Variants in CFDP1 observed in about 807,000 individuals in gnomAD.
The protein encoded by CFDP1 is chromatin remodeling protein CFDP1, also known as heterochromatin-stabilizing protein CFDP1.
CFDP1 carries 31 observed loss-of-function variants against 40.1 expected under a neutral mutation model. That is an observed-to-expected ratio of 0.77 (90% CI 0.58 to 1.04). The LOEUF (loss-of-function observed/expected upper bound fraction) is 1.04. CFDP1 is among the 50% of genes least tolerant of loss of function. CFDP1 has a pLI of 0.00. For synonymous variants in CFDP1, 167 were observed against 120.0 expected (o/e 1.39, Z -2.56); for missense variants, 423 against 343.4 (o/e 1.23, Z -1.83).
At chr16:75,387,939 A>G (rs1042244628) in intron 5 of CFDP1, among the ~76,000 whole-genome samples, 1 of 152,246 alleles carries the variant, frequency 6.6e-6, no homozygotes, top group African/African-American at 2.4e-5. Flanking sequence ...CAGCCCTCTC[A>G]CTTTCTTCAA....
Position 75,301,582 on chromosome 16 carries a change from T to C in CFDP1, c.809+3442A>G, listed in dbSNP as rs2078222529. Among the ~76,000 whole-genome samples the C allele has an allele frequency of 2.1e-5, 3 of 143,968 alleles. No homozygotes were observed. The Admixed American group carries it at 2.1e-4, about 10-fold the overall frequency. The allele number at this position is 143,968 out of a possible 152,430, so 94.4% of individuals were successfully genotyped here. A position where few individuals can be genotyped will look rare whatever the true frequency, so the allele number is the denominator to read the frequency against. ...TTTTTTTTGGTAAAGAGACCGGGTC[T>C]TTCTCTGTTGTCCAGGCTGGAGTGC... On this transcript the variant is annotated intron_variant, in intron 6 of 6. Coordinates refer to ENST00000283882, the MANE Select transcript of CFDP1 (RefSeq NM_006324.3).
At chr16:75,392,841 T>C (rs966907568) in intron 5 of CFDP1, among the ~76,000 whole-genome samples, 30 of 152,376 alleles carry the variant, frequency 2.0e-4, no homozygotes, top group African/African-American at 7.0e-4. Flanking sequence ...AATTTTGTTC[T>C]ACAGCTGCCT....
chr16:75,331,675 C>T lies in CFDP1; in HGVS notation c.651-26493G>A, dbSNP rs370326375. Among the ~76,000 whole-genome samples the T allele has an allele frequency of 1.3e-4, 19 of 151,978 alleles. 3 individuals carry two copies. Among genetic ancestry groups the T allele is most frequent in the Admixed American group, 5.9e-4 (9 of 15,254 alleles). On this transcript the variant is annotated intron_variant, in intron 5 of 6. Coordinates refer to ENST00000283882, the MANE Select transcript of CFDP1 (RefSeq NM_006324.3). Reference sequence around the variant, plus strand: ...TGTGTCTGGTTTCTTTCATGCAGCACAATGTTTTTGAGTTCATCCATGTTG... The same window carrying T: ...TGTGTCTGGTTTCTTTCATGCAGCATAATGTTTTTGAGTTCATCCATGTTG...
intron 3 of CFDP1, 149 bp from the exon 4 acceptor site, chr16:75,412,101 C>T (rs147510872): frequency 6.3e-6 from 5 of 791,396 alleles, no homozygotes; most frequent in South Asian, 6.1e-5. Context: ...CTGCAACCTC[C>T]CCACCTCCCA....
At chr16:75,414,375 C>T (rs8056236) in intron 2 of CFDP1, among the ~76,000 whole-genome samples, 78,830 of 151,976 alleles carry the variant, frequency 0.52, 21,503 homozygotes, top group Admixed American at 0.64. Flanking sequence ...TACCTATTAA[C>T]ATTTTCTTTA....
Position 75,433,478 on chromosome 16 carries a change from C to G in CFDP1, c.-126G>C. On this transcript the variant is annotated 5_prime_UTR_variant, in exon 1 of 7. Coordinates refer to ENST00000283882, the MANE Select transcript of CFDP1 (RefSeq NM_006324.3). ...GCAGCTAGGGCGGCCCCCGACAGCG[C>G]TTTGCACATGCGCAGAGAGTACTAC... The G allele has an allele frequency of 1.2e-6, 1 of 824,640 alleles. No individual in the cohort carries two copies. Among genetic ancestry groups the G allele is most frequent in the East Asian group, 2.7e-5 (1 of 37,492 alleles). 51.1% of individuals were successfully genotyped at this position (824,640 alleles called of 1,614,324 possible). A position where few individuals can be genotyped will look rare whatever the true frequency, so the allele number is the denominator to read the frequency against.
chr16:75,323,624 T>A (rs1469487862), intron 5 of CFDP1, among the ~76,000 whole-genome samples: 2 of 151,676 alleles, frequency 1.3e-5, no homozygotes, highest in Non-Finnish European at 2.9e-5. Context: ...CTACTGAAAA[T>A]ACAAATTTGC....
chr16:75,334,401 C>G (rs138580914), intron 5 of CFDP1, among the ~76,000 whole-genome samples: 3 of 150,682 alleles, frequency 2.0e-5, no homozygotes, highest in Non-Finnish European at 4.4e-5. Flanking sequence ...CCGGCCAGCC[C>G]GAAGTGCTCT....
intron 5 of CFDP1, among the ~76,000 whole-genome samples, chr16:75,327,717 C>G (rs1452325103): frequency 6.6e-6 from 1 of 151,974 alleles, no homozygotes; most frequent in Non-Finnish European, 1.5e-5. Context: ...CAGGTCAACG[C>G]CAAATTATTA....
rs556650849 is a variant in CFDP1 at position 75,409,983 on chromosome 16, A to G, written c.530+1842T>C. 2.2e-5 allele frequency among the ~76,000 whole-genome samples: 3 copies of G among 139,458 alleles called. No individual in the cohort carries two copies. The East Asian group carries it at 7.2e-4, about 34-fold the overall frequency. 91.5% of individuals were successfully genotyped at this position (139,458 alleles called of 152,430 possible). A position where few individuals can be genotyped will look rare whatever the true frequency, so the allele number is the denominator to read the frequency against. ...ATCCCTGAAGTCCCAGTTACTTAGG[A>G]GGCCAAGGCTGGAGGATCACTTGAG... On this transcript the variant is annotated intron_variant, in intron 4 of 6. Coordinates refer to ENST00000283882, the MANE Select transcript of CFDP1 (RefSeq NM_006324.3).
chr16:75,417,480 C>T (rs1445740154), intron 1 of CFDP1, among the ~76,000 whole-genome samples: 5 of 151,962 alleles, frequency 3.3e-5, no homozygotes, highest in African/African-American at 1.2e-4. Context: ...AGCAAAAGAA[C>T]AGTGTATGAA....
intron 5 of CFDP1, among the ~76,000 whole-genome samples, chr16:75,361,913 G>C (rs1178245308): frequency 2.6e-5 from 4 of 152,000 alleles, no homozygotes; most frequent in African/African-American, 9.7e-5. Context: ...CTCCTATTCT[G>C]CTACGGCATG....
chr16:75,379,668 A>T (rs2078836842), intron 5 of CFDP1: 1 of 152,130 alleles, frequency 6.6e-6, no homozygotes, highest in Non-Finnish European at 1.5e-5. Flanking sequence ...CAGATATGAA[A>T]ATGTTCTGTA....
chr16:75,373,400 T>A (rs1487392583), intron 5 of CFDP1, among the ~76,000 whole-genome samples: 3 of 152,198 alleles, frequency 2.0e-5, no homozygotes, highest in African/African-American at 7.2e-5. Flanking sequence ...AAGGTTGTTT[T>A]GTACTAAAAA....
At chr16:75,380,294 A>G (rs899901845) in intron 5 of CFDP1, among the ~76,000 whole-genome samples, 1 of 152,136 alleles carries the variant, frequency 6.6e-6, no homozygotes, top group Non-Finnish European at 1.5e-5. Flanking sequence ...TTTTAAGTGT[A>G]TAGCTAAACT....
At chr16:75,331,103 T>A (rs568484918) in intron 5 of CFDP1, among the ~76,000 whole-genome samples, 9 of 152,294 alleles carry the variant, frequency 5.9e-5, no homozygotes, top group Non-Finnish European at 1.3e-4. Context: ...CCTGCCCTGT[T>A]CCAGTGGGGG....
intron 5 of CFDP1, among the ~76,000 whole-genome samples, chr16:75,349,686 A>ATATATATATATAT (rs56373574): frequency 3.4e-4 from 3 of 8,894 alleles, no homozygotes; most frequent in African/African-American, 7.2e-4. Context: ...AAAAAAAAAA[A>ATATATATATATAT]AAAAATATAT....
intron 5 of CFDP1, among the ~76,000 whole-genome samples, chr16:75,382,015 C>A (rs1161959836): frequency 6.6e-6 from 1 of 151,632 alleles, no homozygotes; most frequent in Non-Finnish European, 1.5e-5. Flanking sequence ...ACACAGGAGG[C>A]TGAGGTGGGA....
chr16:75,315,827 A>T (rs1305608042), intron 5 of CFDP1, among the ~76,000 whole-genome samples: 5 of 152,194 alleles, frequency 3.3e-5, no homozygotes. Flanking sequence ...CACAATATAC[A>T]GTCCAATATA....
Sources: gnomAD v4.1 joint callset for allele counts (sites outside exome capture counted in the v4.1 genomes callset) on GRCh38, gnomAD v4.1.1 for gene constraint, MANE v1.5 for transcripts, NCBI Gene and HGNC (gene_info 2026-07-23, HGNC 2026-07-21) for gene names.